The following SUCNR1 variants were observed in gnomAD, a reference collection of about 807,000 sequenced individuals.
SUCNR1 encodes the protein succinate receptor 1, also known as G-protein coupled receptor 91.
SUCNR1 carries 5 observed loss-of-function variants against 2.4 expected under a neutral mutation model. The ratio of observed to expected loss-of-function variants is 2.07; its 90% CI spans 1.08 to 4.36. The LOEUF (loss-of-function observed/expected upper bound fraction) is 4.36, where lower values mean the gene tolerates loss of function less well. SUCNR1 is among the 30% of genes most tolerant of loss of function. The probability of loss-of-function intolerance (pLI) is 0.00; values close to 1 mark genes in which losing one functional copy is unlikely to be tolerated. For missense variants in SUCNR1, 373 were observed against 399.2 expected, an observed-to-expected ratio of 0.93 and a Z score of 0.56; for synonymous variants, 162 against 143.9, an observed-to-expected ratio of 1.13 and a Z score of -0.90.
chr3:151,880,591 A>G lies in SUCNR1; in HGVS notation c.48A>G (p.Ala16=). ...ATGCAACTTGCAAAAACTGGCTGGC[A>G]GCAGAGGCTGCCCTGGAAAAGTACT... ...AWNATCKNWL[A]AEAALEKYYL... is the part of the protein sequence containing the mutation. Residue 16 remains alanine (A), a synonymous_variant, in exon 3 of 3, where the codon GCA becomes GCG. Coordinates refer to ENST00000362032, the MANE Select transcript of SUCNR1 (RefSeq NM_033050.6). The G allele has an allele frequency of 6.2e-7, 1 of 1,610,334 alleles. No individual in the cohort carries two copies. The highest frequency in any genetic ancestry group is 8.5e-7 in the Non-Finnish European group (1 of 1,178,566).
In SUCNR1 at chr3:151,881,862, G is replaced by T. The variant is rs1017307844; in HGVS notation, c.*314G>T. ...TCTGCATTTGATCACTGGTCAGATT[G>T]TAAAAAAAAAAAAAATTGTTTTGGC... On this transcript the variant is annotated 3_prime_UTR_variant, in exon 3 of 3. Transcript: ENST00000362032. The T allele has an allele frequency of 2.0e-5, 4 of 195,706 alleles. No individual in the cohort carries two copies. Among genetic ancestry groups the T allele is most frequent in the East Asian group, 1.2e-4 (1 of 8,452 alleles). The allele number at this position is 195,706 out of a possible 1,614,324, so 12.1% of individuals were successfully genotyped here. A position where few individuals can be genotyped will look rare whatever the true frequency, so the allele number is the denominator to read the frequency against.
chr3:151,878,284 T>C (rs138943513), intron 1 of SUCNR1, among the ~76,000 whole-genome samples: 3 of 152,196 alleles, frequency 2.0e-5, no homozygotes, highest in East Asian at 3.9e-4. Flanking sequence ...TATTGTAAGA[T>C]TGAAATGATG....
chr3:151,880,950 A>C lies in SUCNR1; in HGVS notation c.407A>C (p.Lys136Thr), dbSNP rs763291154. ...TTCCGAGAACACCTTCTGCAAAAGAAAGAGTTTGCTATTTTAATCTCCTTG... is the reference window on the plus strand; with the variant it reads ...TTCCGAGAACACCTTCTGCAAAAGACAGAGTTTGCTATTTTAATCTCCTTG... The part of the protein sequence containing the change: ...YPFREHLLQK[K>T]EFAILISLAI... The change falls in exon 3 of 3, where the codon AAA (lysine) becomes ACA (threonine). Residue 136 changes from lysine (K) to threonine (T), a missense_variant. Physicochemically the swap from Lys to Thr is moderately conservative, Grantham distance 78. Coordinates refer to ENST00000362032, the MANE Select transcript of SUCNR1 (RefSeq NM_033050.6). 6.2e-7 allele frequency: 1 copy of C among 1,614,050 alleles called. No individual in the cohort carries two copies. Among genetic ancestry groups the C allele is most frequent in the Non-Finnish European group, 8.5e-7 (1 of 1,180,004 alleles).
At chr3:151,874,147 T>TATATATATATATA (rs1491511074) in intron 1 of SUCNR1, among the ~76,000 whole-genome samples, 1 of 16,050 alleles carries the variant, frequency 6.2e-5, no homozygotes, top group Admixed American at 7.1e-4. Flanking sequence ...TATATATATA[T>TATATATATATATA]TTTTTTTTTT....
At position 151,884,164 on chromosome 3, in the gene SUCNR1, G is replaced by T. The variant is rs1263391696; in HGVS notation, c.*2616G>T. 1 of 152,154 alleles carries T rather than the reference G, an allele frequency of 6.6e-6. No individual in the cohort carries two copies. Among genetic ancestry groups the T allele is most frequent in the Admixed American group, 6.5e-5 (1 of 15,272 alleles). 9.4% of individuals were successfully genotyped at this position (152,154 alleles called of 1,614,324 possible). A position where few individuals can be genotyped will look rare whatever the true frequency, so the allele number is the denominator to read the frequency against. On this transcript the variant is annotated 3_prime_UTR_variant, in exon 3 of 3. Transcript: ENST00000362032. ...CTCTTAAAATTACTGTTTATTATAA[G>T]TGAATGTCTTACAGAACAAACTCAA...
At chr3:151,880,422 GTA>G (rs1718053266) in intron 2 of SUCNR1, 135 bp from the exon 3 acceptor site, 1 of 645,374 alleles carries the variant, frequency 1.5e-6, no homozygotes, top group African/African-American at 1.8e-5. Flanking sequence ...ATATATGTGT[GTA>G]TGCTTTCCTT....
intron 1 of SUCNR1, among the ~76,000 whole-genome samples, chr3:151,878,429 A>T (rs1717985458): frequency 6.6e-6 from 1 of 152,212 alleles, no homozygotes; most frequent in Admixed American, 6.6e-5. Flanking sequence ...ATCTAGAGTA[A>T]GCTCAACAAA....
Position 151,882,325 on chromosome 3 carries a change from G to A in SUCNR1, c.*777G>A, listed in dbSNP as rs1718127481. 2 of 152,116 alleles carry A rather than the reference G, an allele frequency of 1.3e-5. No individual in the cohort carries two copies. The highest frequency in any genetic ancestry group is 1.3e-4 in the Admixed American group (2 of 15,284). The allele number at this position is 152,116 out of a possible 1,614,324, so 9.4% of individuals were successfully genotyped here. ...AACCCAAAGCAAAACAGAACAAAAA[G>A]TGAATACATCGTTTTAAATGATGAT... On this transcript the variant is annotated 3_prime_UTR_variant, in exon 3 of 3. Transcript: ENST00000362032.
In SUCNR1 at chr3:151,882,186, A is replaced by C. The variant is rs1026580071; in HGVS notation, c.*638A>C. On this transcript the variant is annotated 3_prime_UTR_variant, in exon 3 of 3. Transcript: ENST00000362032. ...GAACCTGAAGAGATAATTCAACAAA[A>C]GTAGAGAATATGTTTGAGCTTGTCA... 1 of 152,204 alleles carries C rather than the reference A, an allele frequency of 6.6e-6. No homozygotes were observed. Among genetic ancestry groups the C allele is most frequent in the Non-Finnish European group, 1.5e-5 (1 of 68,026 alleles). The allele number at this position is 152,204 out of a possible 1,614,324, so 9.4% of individuals were successfully genotyped here. A position where few individuals can be genotyped will look rare whatever the true frequency, so the allele number is the denominator to read the frequency against.
intron 2 of SUCNR1, 48 bp from the exon 3 acceptor site, chr3:151,880,511 T>G: frequency 7.3e-7 from 1 of 1,373,472 alleles, no homozygotes; most frequent in Non-Finnish European, 1.0e-6. Context: ...GTTTTGTCAT[T>G]AGTCACAGTC....
chr3:151,879,145 A>T (rs1037489880), intron 1 of SUCNR1, among the ~76,000 whole-genome samples: 1 of 152,186 alleles, frequency 6.6e-6, no homozygotes. Context: ...CTTTTTTCAG[A>T]TAATTAAAGT....
In SUCNR1 at chr3:151,882,123, T is replaced by C. The variant is rs1490376815; in HGVS notation, c.*575T>C. On this transcript the variant is annotated 3_prime_UTR_variant, in exon 3 of 3. Coordinates refer to ENST00000362032, the MANE Select transcript of SUCNR1 (RefSeq NM_033050.6). Reference sequence around the variant, plus strand: ...TAATTTATCTAACCTTTTTGTTGTATGGGTTTATAGTGGAAAGAATCTTAA... The same window carrying C: ...TAATTTATCTAACCTTTTTGTTGTACGGGTTTATAGTGGAAAGAATCTTAA... The C allele has an allele frequency of 6.6e-6, 1 of 152,210 alleles. No individual in the cohort carries two copies. The highest frequency in any genetic ancestry group is 1.5e-5 in the Non-Finnish European group (1 of 68,046). The allele number at this position is 152,210 out of a possible 1,614,324, so 9.4% of individuals were successfully genotyped here.
intron 1 of SUCNR1, among the ~76,000 whole-genome samples, chr3:151,875,276 T>C (rs1576663173): frequency 1.3e-5 from 2 of 152,228 alleles, no homozygotes; most frequent in East Asian, 3.9e-4. Context: ...AGAGAGAATA[T>C]GAATTTTTCA....
intron 1 of SUCNR1, among the ~76,000 whole-genome samples, chr3:151,875,845 GGCTACTATAAA>G (rs1193005954): frequency 6.6e-6 from 1 of 152,014 alleles, no homozygotes; most frequent in African/African-American, 2.4e-5. Context: ...CGACCTTCTG[GGCTACTATAAA>G]GCAGAATGCT....
intron 1 of SUCNR1, among the ~76,000 whole-genome samples, chr3:151,876,723 AC>A (rs1379464078): frequency 1.3e-5 from 2 of 151,460 alleles, no homozygotes; most frequent in Non-Finnish European, 2.9e-5. Context: ...AATTTTTAAT[AC>A]TTATCATATT....
chr3:151,881,818 T>C lies in SUCNR1; in HGVS notation c.*270T>C, dbSNP rs763162534. The C allele has an allele frequency of 1.7e-5, 5 of 295,100 alleles. No individual in the cohort carries two copies. Among genetic ancestry groups the C allele is most frequent in the Non-Finnish European group, 3.2e-5 (5 of 158,666 alleles). The allele number at this position is 295,100 out of a possible 1,614,324, so 18.3% of individuals were successfully genotyped here. ...TCTCAATCAGTGCAAAAATGGAAGA[T>C]ATATAAAGCAACAAGTTGTCTGCAT... is the stretch of plus-strand genomic sequence containing the variant. On this transcript the variant is annotated 3_prime_UTR_variant, in exon 3 of 3. Coordinates refer to ENST00000362032, the MANE Select transcript of SUCNR1 (RefSeq NM_033050.6).
chr3:151,876,470 G>GA (rs773772998), intron 1 of SUCNR1, among the ~76,000 whole-genome samples: 3 of 151,908 alleles, frequency 2.0e-5, no homozygotes, highest in South Asian at 2.1e-4. Context: ...AATTTTGAGA[G>GA]AAAAAATGAT....
chr3:151,877,545 A>G (rs533792744), intron 1 of SUCNR1, among the ~76,000 whole-genome samples: 3 of 152,310 alleles, frequency 2.0e-5, no homozygotes, highest in Non-Finnish European at 4.4e-5. Flanking sequence ...ATACCCAGAC[A>G]TTACAGTAAA....
At chr3:151,876,270 T>C (rs916943059) in intron 1 of SUCNR1, among the ~76,000 whole-genome samples, 1 of 152,062 alleles carries the variant, frequency 6.6e-6, no homozygotes, top group Non-Finnish European at 1.5e-5. Flanking sequence ...AAGGAGATTG[T>C]TGTGTCATAG....
Sources: gnomAD v4.1 joint callset for allele counts (sites outside exome capture counted in the v4.1 genomes callset) on GRCh38, gnomAD v4.1.1 for gene constraint, MANE v1.5 for transcripts, NCBI Gene and HGNC (gene_info 2026-07-23, HGNC 2026-07-21) for gene names.